The following KALRN variants were observed in gnomAD, a reference collection of about 807,000 sequenced individuals.
KALRN encodes kalirin.
KALRN carries 70 observed loss-of-function variants against 353.7 expected under a neutral mutation model. The ratio of observed to expected loss-of-function variants is 0.20; its 90% confidence interval spans 0.16 to 0.24. The LOEUF (loss-of-function observed/expected upper bound fraction) is 0.24, where lower values mean the gene tolerates loss of function less well. Ranked by LOEUF, KALRN falls within the 10% of genes least tolerant of loss-of-function variation. The pLI, the probability that KALRN is intolerant of heterozygous loss-of-function variation, is 1.00. For synonymous variants in KALRN, 1,391 were observed against 1,434.8 expected (o/e 0.97, Z 0.69); for missense variants, 2,791 against 3,756.7 (o/e 0.74, Z 6.72).
At chr3:124,262,004 A>T (rs1310993124) in intron 3 of KALRN, among the ~76,000 whole-genome samples, 1 of 152,146 alleles carries the variant, frequency 6.6e-6, no homozygotes, top group African/African-American at 2.4e-5. Flanking sequence ...AATCAAAGAA[A>T]TGCAAATTTA....
At chr3:124,249,688 A>G (rs1050020774) in intron 3 of KALRN, among the ~76,000 whole-genome samples, 2 of 152,134 alleles carry the variant, frequency 1.3e-5, no homozygotes, top group Non-Finnish European at 2.9e-5. Flanking sequence ...TCCACCCTAT[A>G]TGTGAGCTTC....
intron 34 of KALRN, among the ~76,000 whole-genome samples, chr3:124,615,300 T>C (rs2078453230): frequency 6.6e-6 from 1 of 152,306 alleles, no homozygotes; most frequent in South Asian, 2.1e-4. Flanking sequence ...ACAAAATAAC[T>C]ACCCTGTACT....
At chr3:124,543,395 A>G (rs1026217824) in intron 33 of KALRN, among the ~76,000 whole-genome samples, 4 of 150,150 alleles carry the variant, frequency 2.7e-5, no homozygotes, top group South Asian at 4.2e-4. Flanking sequence ...TCCGCCTCCC[A>G]GGTTCTCACC....
At chr3:124,520,707 A>G (rs2067092276) in intron 33 of KALRN, among the ~76,000 whole-genome samples, 1 of 152,204 alleles carries the variant, frequency 6.6e-6, no homozygotes, top group South Asian at 2.1e-4. Context: ...AGGCATTGTT[A>G]AGAACCTCAT....
chr3:124,511,966 C>A (rs2065956848), intron 33 of KALRN, among the ~76,000 whole-genome samples: 1 of 152,204 alleles, frequency 6.6e-6, no homozygotes, highest in South Asian at 2.1e-4. Flanking sequence ...ATCACAAGAT[C>A]CATGAACACA....
At chr3:124,129,283 C>T (rs2065021601) in intron 1 of KALRN, among the ~76,000 whole-genome samples, 1 of 152,122 alleles carries the variant, frequency 6.6e-6, no homozygotes, top group Admixed American at 6.6e-5. Context: ...CATGTTCTTC[C>T]TACTGTTGTC....
At position 124,559,062 on chromosome 3, in the gene KALRN, G is replaced by A. The variant is rs147394402; in HGVS notation, c.4936-3781G>A. ...CTAAATGAAAATGATCATTTCTGGT[G>A]AACGTGAGAACTTTGAAAATGCAGA... On this transcript the variant is annotated intron_variant, in intron 33 of 59. Transcript: ENST00000682506. 2.6e-3 allele frequency among the ~76,000 whole-genome samples: 392 copies of A among 152,360 alleles called. 1 individual carries two copies. The highest frequency in any genetic ancestry group is 8.8e-3 in the African/African-American group (365 of 41,590).
At chr3:124,513,224 T>C (rs1471597559) in intron 33 of KALRN, among the ~76,000 whole-genome samples, 1 of 152,026 alleles carries the variant, frequency 6.6e-6, no homozygotes, top group African/African-American at 2.4e-5. Context: ...TTCTTGAAGG[T>C]TTACCCCAAA....
At chr3:124,451,743 A>C (rs1404558626) in intron 21 of KALRN, among the ~76,000 whole-genome samples, 1 of 152,120 alleles carries the variant, frequency 6.6e-6, no homozygotes, top group Non-Finnish European at 1.5e-5. Context: ...GCATAGTGTC[A>C]CCTCTGGAGA....
At chr3:124,273,065 G>A (rs2074333734) in intron 5 of KALRN, among the ~76,000 whole-genome samples, 1 of 152,252 alleles carries the variant, frequency 6.6e-6, no homozygotes, top group South Asian at 2.1e-4. Context: ...TGTAAAAGAG[G>A]TGGGCGCAGT....
intron 37 of KALRN, among the ~76,000 whole-genome samples, chr3:124,648,272 C>G (rs1319413660): frequency 2.6e-5 from 4 of 152,386 alleles, no homozygotes; most frequent in Admixed American, 2.6e-4. Flanking sequence ...CTTTCTTCCT[C>G]TTGTCCTTGT....
At position 124,056,382 on chromosome 3, in the gene KALRN, A is replaced by G. The variant is rs950216555; in HGVS notation, c.73+22569A>G. The stretch of plus-strand genomic sequence containing the variant: ...TGTCTGTAGCGTGGTGCAAAGGGGT[A>G]TGTCCCCAGCCTGGAGAGGGGATTC... On this transcript the variant is annotated intron_variant, in intron 1 of 59. Transcript: ENST00000682506. Among the ~76,000 whole-genome samples, 11 of 152,100 alleles carry G rather than the reference A, an allele frequency of 7.2e-5. No individual in the cohort carries two copies. In the East Asian group the frequency reaches 2.1e-3, roughly 29 times the overall value.
At chr3:124,353,681 G>T (rs1442932152) in intron 10 of KALRN, among the ~76,000 whole-genome samples, 1 of 151,850 alleles carries the variant, frequency 6.6e-6, no homozygotes, top group Admixed American at 6.6e-5. Flanking sequence ...CAAGCAGAAG[G>T]AAAAGGTGGG....
At chr3:124,400,013 TCC>T (rs1654051615) in intron 13 of KALRN, among the ~76,000 whole-genome samples, 1 of 152,186 alleles carries the variant, frequency 6.6e-6, no homozygotes, top group South Asian at 2.1e-4. Context: ...AAGCCAACTT[TCC>T]ACCCACCATT....
intron 28 of KALRN, among the ~76,000 whole-genome samples, chr3:124,483,394 T>TACA (rs1391911178): frequency 1.3e-5 from 2 of 152,102 alleles, no homozygotes; most frequent in East Asian, 3.9e-4. Flanking sequence ...CTACTAAAAA[T>TACA]ACAAAAAATT....
chr3:124,261,197 A>G (rs2072818094), intron 3 of KALRN, among the ~76,000 whole-genome samples: 1 of 152,104 alleles, frequency 6.6e-6, no homozygotes, highest in Non-Finnish European at 1.5e-5. Context: ...TGGGTTTTCA[A>G]GTCAACAGTC....
At chr3:124,695,419 C>T (rs748494864) in intron 53 of KALRN, among the ~76,000 whole-genome samples, 1 of 152,120 alleles carries the variant, frequency 6.6e-6, no homozygotes, top group African/African-American at 2.4e-5. Flanking sequence ...CCTTGGTATT[C>T]CCAGCAGAGA....
rs562469327 is a variant in KALRN at position 124,547,133 on chromosome 3, CATTTTAATTT to C, written c.4936-15692_4936-15683del. Among the ~76,000 whole-genome samples, 65 of 151,990 alleles carry C rather than the reference CATTTTAATTT, an allele frequency of 4.3e-4. No homozygotes were observed. In the East Asian group the frequency reaches 7.1e-3, roughly 17 times the overall value. On this transcript the variant is annotated intron_variant, in intron 33 of 59. Coordinates refer to ENST00000682506, the MANE Select transcript of KALRN (RefSeq NM_001388419.1). The stretch of plus-strand genomic sequence containing the variant: ...AGAGGAGCACCTCTTTTTTAAATTC[CATTTTAATTT>C]ATTTTAATTTATTTTAAATTTTATT...
intron 4 of KALRN, among the ~76,000 whole-genome samples, chr3:124,265,286 T>G (rs938141072): frequency 2.0e-5 from 3 of 148,802 alleles, no homozygotes; most frequent in African/African-American, 7.4e-5. Context: ...GTAACTAATT[T>G]AAGAAAATAT....
Sources: allele counts gnomAD v4.1 joint callset (sites outside exome capture counted in the v4.1 genomes callset), GRCh38; gene constraint gnomAD v4.1.1; transcripts MANE v1.5; gene names NCBI Gene and HGNC (gene_info 2026-07-23, HGNC 2026-07-21).